The following ZNF536 variants were observed in gnomAD, a reference collection of about 807,000 sequenced individuals.
ZNF536 encodes the protein zinc finger protein 536.
ZNF536 carries 13 observed loss-of-function variants against 84.5 expected under a neutral mutation model. The ratio of observed to expected loss-of-function variants is 0.15; its 90% CI spans 0.10 to 0.24. The LOEUF (loss-of-function observed/expected upper bound fraction) is 0.24, where lower values mean the gene tolerates loss of function less well. Among genes scored for constraint, ZNF536 ranks in the 10% least tolerant of loss-of-function variants. The pLI is 1.00. For missense variants in ZNF536, 1,536 were observed against 1,747.5 expected, an observed-to-expected ratio of 0.88 and a Z score of 2.16; for synonymous variants, 811 against 742.5, an observed-to-expected ratio of 1.09 and a Z score of -1.50.
At chr19:30,294,066 C>T (rs947721691) in intron 2 of ZNF536, among the ~76,000 whole-genome samples, 2 of 152,088 alleles carry the variant, frequency 1.3e-5, no homozygotes, top group South Asian at 2.1e-4. Context: ...CCTTGAGTTC[C>T]CTGACTCTTC....
chr19:30,682,030 A>G (rs978016771), intron 1 of ZNF536, among the ~76,000 whole-genome samples: 3 of 152,202 alleles, frequency 2.0e-5, no homozygotes, highest in Non-Finnish European at 4.4e-5. Flanking sequence ...GTCCCAGCTT[A>G]GCAGGGTAGG....
chr19:30,607,942 G>C (rs1465717383), intron 1 of ZNF536, among the ~76,000 whole-genome samples: 8 of 151,966 alleles, frequency 5.3e-5, no homozygotes, highest in Non-Finnish European at 1.2e-4. Flanking sequence ...TTGTTACCAG[G>C]TGCATAGTAT....
In ZNF536 at chr19:30,445,503, C is replaced by A. The variant is rs758459573; in HGVS notation, c.1941C>A (p.Val647=). 1 of 1,614,014 alleles carries A rather than the reference C, an allele frequency of 6.2e-7. No homozygotes were observed. The highest frequency in any genetic ancestry group is 1.1e-5 in the South Asian group (1 of 91,058). Residue 647 remains valine (V), a synonymous_variant, in exon 2 of 5, where the codon GTC becomes GTA. Coordinates refer to ENST00000355537, the MANE Select transcript of ZNF536 (RefSeq NM_014717.3). The surrounding 1 kb of genome is among the most constrained non-coding windows in gnomAD (Gnocchi z 4.5). ...TGTTCCGCACTTACCACCAGGTGGT[C>A]GTGCACTCCCGTGTCCACAAGCGGG... is the stretch of plus-strand genomic sequence containing the variant. The part of the protein sequence containing the change: ...GRVFRTYHQV[V]VHSRVHKRDR...
At chr19:30,380,472 G>T (rs937968810) in intron 1 of ZNF536, among the ~76,000 whole-genome samples, 3 of 152,152 alleles carry the variant, frequency 2.0e-5, no homozygotes, top group Non-Finnish European at 4.4e-5. Flanking sequence ...ACACTGTGAG[G>T]CCACGTGAAT....
At chr19:30,628,318 C>T (rs2048761406) in intron 1 of ZNF536, among the ~76,000 whole-genome samples, 1 of 152,240 alleles carries the variant, frequency 6.6e-6, no homozygotes, top group Non-Finnish European at 1.5e-5. Context: ...CTGTAGGCCT[C>T]CTGACTGCTC....
chr19:30,588,256 C>T (rs936194019), intron 1 of ZNF536, among the ~76,000 whole-genome samples: 1 of 152,230 alleles, frequency 6.6e-6, no homozygotes. Context: ...AACTGTTGAG[C>T]ATCACCACGG....
intron 1 of ZNF536, among the ~76,000 whole-genome samples, chr19:30,404,411 G>A (rs112697639): frequency 5.3e-5 from 8 of 152,182 alleles, no homozygotes; most frequent in South Asian, 4.1e-4. Flanking sequence ...GCAGTGAGGC[G>A]CATGGCATGT....
chr19:30,545,063 A>T (rs1413794525), intron 3 of ZNF536, among the ~76,000 whole-genome samples: 4 of 152,226 alleles, frequency 2.6e-5, no homozygotes, highest in African/African-American at 9.6e-5. Context: ...CTCAGGATCC[A>T]CAGAGGGCCA....
chr19:30,442,577 A>G (rs2052103446), intron 1 of ZNF536, among the ~76,000 whole-genome samples: 1 of 152,180 alleles, frequency 6.6e-6, no homozygotes, highest in Non-Finnish European at 1.5e-5. Context: ...CTTGCCATTG[A>G]AGGATGGGAA....
chr19:30,342,383 TAAAAAG>T (rs1219858386), intron 2 of ZNF536, among the ~76,000 whole-genome samples: 18 of 152,228 alleles, frequency 1.2e-4, no homozygotes, highest in Non-Finnish European at 2.5e-4. Flanking sequence ...CTGCTATCTT[TAAAAAG>T]ATATTTTCTT....
intron 1 of ZNF536, among the ~76,000 whole-genome samples, chr19:30,648,450 G>A (rs111623604): frequency 8.5e-5 from 13 of 152,252 alleles, no homozygotes; most frequent in East Asian, 1.9e-4. Flanking sequence ...GCCTGGCCCC[G>A]ATGGCTATCT....
chr19:30,451,919 A>G (rs560704192), intron 2 of ZNF536, among the ~76,000 whole-genome samples: 37 of 152,386 alleles, frequency 2.4e-4, no homozygotes, highest in African/African-American at 8.4e-4. Context: ...AGGACAGGTT[A>G]CAATGAGGCA....
chr19:30,262,584 G>A (rs548343909), intron 1 of ZNF536, among the ~76,000 whole-genome samples: 3 of 152,352 alleles, frequency 2.0e-5, no homozygotes, highest in East Asian at 1.9e-4. Context: ...GGGCTCATCC[G>A]TGGTTGGAGG....
At chr19:30,707,329 C>T (rs573928623) in intron 1 of ZNF536, among the ~76,000 whole-genome samples, 2 of 152,156 alleles carry the variant, frequency 1.3e-5, no homozygotes, top group African/African-American at 2.4e-5. Context: ...AGAACAGGGA[C>T]CATTTGCATT....
intron 1 of ZNF536, among the ~76,000 whole-genome samples, chr19:30,684,713 C>T (rs1026798379): frequency 2.0e-5 from 3 of 152,168 alleles, no homozygotes; most frequent in Non-Finnish European, 2.9e-5. Flanking sequence ...AGAGGTTCTG[C>T]ATGTAAACCA....
At chr19:30,637,353 A>T (rs1398772836) in intron 1 of ZNF536, among the ~76,000 whole-genome samples, 1 of 152,198 alleles carries the variant, frequency 6.6e-6, no homozygotes, top group African/African-American at 2.4e-5. Context: ...AGAGTCCATC[A>T]ACTGGGATTG....
chr19:30,558,027 T>C lies in ZNF536; in HGVS notation c.*863T>C, dbSNP rs750883926. ...AATGCTTCAATAACTTATCTTGGTA[T>C]TGCTAATAAAAAAAAAAAGCTGTGA... On this transcript the variant is annotated 3_prime_UTR_variant, in exon 5 of 5. Coordinates refer to ENST00000355537, the MANE Select transcript of ZNF536 (RefSeq NM_014717.3). The C allele has an allele frequency of 6.6e-6, 1 of 152,636 alleles. No individual in the cohort carries two copies. The highest frequency in any genetic ancestry group is 1.5e-5 in the Non-Finnish European group (1 of 68,008). The allele number at this position is 152,636 out of a possible 1,614,324, so 9.5% of individuals were successfully genotyped here. A position where few individuals can be genotyped will look rare whatever the true frequency, so the allele number is the denominator to read the frequency against.
intron 1 of ZNF536, among the ~76,000 whole-genome samples, chr19:30,405,880 C>T (rs1295722240): frequency 3.9e-5 from 6 of 151,944 alleles, no homozygotes; most frequent in African/African-American, 9.7e-5. Context: ...TGGGTTCAAG[C>T]GATTCTCCTG....
chr19:30,306,881 A>G (rs1470011960), intron 2 of ZNF536, among the ~76,000 whole-genome samples: 1 of 152,228 alleles, frequency 6.6e-6, no homozygotes, highest in Non-Finnish European at 1.5e-5. Flanking sequence ...GAGCCACAAA[A>G]CATATAGATA....
Sources: allele counts gnomAD v4.1 joint callset (sites outside exome capture counted in the v4.1 genomes callset), GRCh38; gene constraint gnomAD v4.1.1; non-coding constraint Gnocchi (gnomAD v3.1); transcripts MANE v1.5; gene names NCBI Gene and HGNC (gene_info 2026-07-23, HGNC 2026-07-21).